The following OSBP2 variants were observed in gnomAD, a reference collection of about 807,000 sequenced individuals.
The protein encoded by OSBP2 is oxysterol binding protein 2.
Under a neutral mutation model 96.0 loss-of-function variants are expected in OSBP2, and 66 were observed. The ratio of observed to expected loss-of-function variants is 0.69; its 90% CI spans 0.56 to 0.84. The LOEUF (loss-of-function observed/expected upper bound fraction) is 0.84. OSBP2 is among the 40% of genes least tolerant of loss of function. The pLI is 0.00. For synonymous variants in OSBP2, 525 were observed against 520.9 expected (o/e 1.01, Z -0.11); for missense variants, 1,038 against 1,222.7 (o/e 0.85, Z 2.25).
In OSBP2 at chr22:30,906,250, C is replaced by T. The variant is rs368445421; in HGVS notation, c.2662C>T (p.Leu888=). 4 of 1,614,202 alleles carry T rather than the reference C, an allele frequency of 2.5e-6. No individual in the cohort carries two copies. Among genetic ancestry groups the T allele is most frequent in the Non-Finnish European group, 3.4e-6 (4 of 1,180,032 alleles). ...PLWFEKRLDP[L]TGEMACVYKG... ...GTGGTTTGAGAAGAGGCTGGATCCG[C>T]TGACCGGGGAGATGGCCTGTGTGTA... The change falls in exon 14 of 14, where the codon CTG becomes TTG. Residue 888 remains leucine (L), a synonymous_variant. Coordinates refer to ENST00000332585, the MANE Select transcript of OSBP2 (RefSeq NM_030758.4).
chr22:30,826,335 G>T, intron 2 of OSBP2, among the ~76,000 whole-genome samples: 1 of 152,214 alleles, frequency 6.6e-6, no homozygotes, highest in East Asian at 1.9e-4. Flanking sequence ...TGCACCTGCA[G>T]AGTGGCCTCC....
At chr22:30,819,819 T>C (rs5749169) in intron 2 of OSBP2, among the ~76,000 whole-genome samples, 17,071 of 152,054 alleles carry the variant, frequency 0.11, 1,047 homozygotes, top group East Asian at 0.23. Flanking sequence ...TGGATGAGAG[T>C]GAATAGACAG....
At chr22:30,801,574 C>T (rs2090851970) in intron 2 of OSBP2, among the ~76,000 whole-genome samples, 2 of 152,222 alleles carry the variant, frequency 1.3e-5, no homozygotes, top group Non-Finnish European at 2.9e-5. Context: ...TGAATGCATT[C>T]TATTCGATCT....
intron 2 of OSBP2, among the ~76,000 whole-genome samples, chr22:30,855,458 G>T (rs762777699): frequency 4.6e-5 from 7 of 152,220 alleles, no homozygotes; most frequent in Non-Finnish European, 1.0e-4. Flanking sequence ...GCCCCAGGGG[G>T]ACTGTCTTGC....
intron 2 of OSBP2, among the ~76,000 whole-genome samples, chr22:30,866,624 C>A (rs1282319630): frequency 6.6e-6 from 1 of 152,192 alleles, no homozygotes; most frequent in African/African-American, 2.4e-5. Flanking sequence ...GTAATGCCAG[C>A]TACTCAGGAG....
Position 30,772,813 on chromosome 22 carries a change from G to C in OSBP2, c.853+31444G>C, listed in dbSNP as rs145421054. On this transcript the variant is annotated intron_variant, in intron 2 of 13. Transcript: ENST00000332585. ...AACGCATTTTTTTTTTTTTTTTTGA[G>C]ATGGAGTCTCGCTCTGTTGCCCAGG... is the stretch of plus-strand genomic sequence containing the variant. 7.4e-3 allele frequency among the ~76,000 whole-genome samples: 1,046 copies of C among 140,906 alleles called. 10 individuals are homozygous for C. Among genetic ancestry groups the C allele is most frequent in the African/African-American group, 0.027 (991 of 37,272 alleles). The allele number at this position is 140,906 out of a possible 152,430, so 92.4% of individuals were successfully genotyped here.
At chr22:30,764,130 C>T (rs557607377) in intron 2 of OSBP2, 1 of 522,184 alleles carries the variant, frequency 1.9e-6, no homozygotes, top group Non-Finnish European at 2.5e-6. Context: ...TAGCCTAGCG[C>T]CTCAGGGGCT....
intron 12 of OSBP2, among the ~76,000 whole-genome samples, chr22:30,899,402 CAAAAA>C (rs59384656): frequency 3.5e-5 from 3 of 86,614 alleles, no homozygotes; most frequent in Non-Finnish European, 7.1e-5. Flanking sequence ...GACCCTATCT[CAAAAA>C]AAAAAAAAAA....
intron 3 of OSBP2, among the ~76,000 whole-genome samples, chr22:30,874,295 C>T (rs929076538): frequency 6.6e-6 from 1 of 151,332 alleles, no homozygotes; most frequent in African/African-American, 2.4e-5. Flanking sequence ...TCTTGTAGTC[C>T]CAGCTACTCA....
At chr22:30,721,266 A>G (rs2089545897) in intron 1 of OSBP2, among the ~76,000 whole-genome samples, 1 of 151,696 alleles carries the variant, frequency 6.6e-6, no homozygotes, top group South Asian at 2.1e-4. Context: ...AAAAACAACA[A>G]ACAAACAAAC....
At chr22:30,725,207 A>AG (rs1190791573) in intron 1 of OSBP2, among the ~76,000 whole-genome samples, 1 of 148,740 alleles carries the variant, frequency 6.7e-6, no homozygotes, top group Non-Finnish European at 1.5e-5. Context: ...CAAAAAAAAA[A>AG]CAAAAACAAA....
intron 2 of OSBP2, among the ~76,000 whole-genome samples, chr22:30,825,623 T>C (rs1238566947): frequency 2.6e-5 from 4 of 152,314 alleles, no homozygotes; most frequent in African/African-American, 9.6e-5. Flanking sequence ...CTTATGTGTA[T>C]ATGCACATGT....
chr22:30,768,679 CA>C (rs136332), intron 2 of OSBP2, among the ~76,000 whole-genome samples: 15 of 137,316 alleles, frequency 1.1e-4, no homozygotes, highest in Non-Finnish European at 1.1e-4. Flanking sequence ...AACTCCATCT[CA>C]AAAAAAAAAA....
chr22:30,815,583 A>G (rs780469133), intron 2 of OSBP2, among the ~76,000 whole-genome samples: 13 of 152,038 alleles, frequency 8.6e-5, no homozygotes, highest in Non-Finnish European at 1.6e-4. Context: ...CTCCCTCACA[A>G]ACCTCCTCTT....
chr22:30,827,606 G>A (rs999056013), intron 2 of OSBP2, among the ~76,000 whole-genome samples: 3 of 152,206 alleles, frequency 2.0e-5, no homozygotes, highest in African/African-American at 7.2e-5. Context: ...GGGAAGTGAC[G>A]TTTTACTGCC....
chr22:30,820,033 A>ATC (rs770216797), intron 2 of OSBP2, among the ~76,000 whole-genome samples: 41 of 152,310 alleles, frequency 2.7e-4, no homozygotes, highest in Admixed American at 4.6e-4. Context: ...GCACATGCAA[A>ATC]TCCTTAAAAA....
rs781162624 is a variant in OSBP2, at chr22:30,695,244, C to T, written c.335C>T (p.Ser112Leu). 3 of 1,613,470 alleles carry T rather than the reference C, an allele frequency of 1.9e-6. No individual in the cohort carries two copies. The highest frequency in any genetic ancestry group is 2.2e-5 in the South Asian group (2 of 91,082). ...QGSRPGSESS[S>L]GVGAGPFTKA... ...TCGCGGCCGGGGTCAGAGTCAAGCT[C>T]AGGTGTAGGGGCTGGGCCCTTCACT... The change falls in exon 1 of 14, where the codon TCA becomes TTA. Residue 112 changes from serine (S) to leucine (L), a missense_variant. Coordinates refer to ENST00000332585, the MANE Select transcript of OSBP2 (RefSeq NM_030758.4).
chr22:30,830,200 T>C (rs2038492345), intron 2 of OSBP2, among the ~76,000 whole-genome samples: 1 of 152,230 alleles, frequency 6.6e-6, no homozygotes, highest in African/African-American at 2.4e-5. Context: ...ATGAGCAATA[T>C]GAATAAAAAT....
At chr22:30,726,923 G>A (rs1009716521) in intron 1 of OSBP2, among the ~76,000 whole-genome samples, 5 of 152,198 alleles carry the variant, frequency 3.3e-5, no homozygotes, top group Middle Eastern at 3.2e-3. Context: ...CATTTGTGAT[G>A]TTGAGCATTG....
Sources: gnomAD v4.1 joint callset for allele counts (sites outside exome capture counted in the v4.1 genomes callset) on GRCh38, gnomAD v4.1.1 for gene constraint, MANE v1.5 for transcripts, NCBI Gene and HGNC (gene_info 2026-07-23, HGNC 2026-07-21) for gene names.